The following MOV10 variants were observed in gnomAD, a reference collection of about 807,000 sequenced individuals.
MOV10 encodes the protein Mov10 RNA helicase, also known as RNA helicase MOV-10.
MOV10 carries 39 observed loss-of-function variants against 108.4 expected under a neutral mutation model. That is an observed-to-expected ratio of 0.36 (90% confidence interval 0.28 to 0.47). The LOEUF is 0.47. Ranked by LOEUF, MOV10 falls within the 20% of genes least tolerant of loss-of-function variation. MOV10 has a pLI of 1.00. For missense variants in MOV10, 952 were observed against 1,297.6 expected (o/e 0.73, Z 4.09); for synonymous variants, 490 against 523.1 (o/e 0.94, Z 0.86).
chr1:112,694,185 G>A lies in MOV10; in HGVS notation c.1295+13G>A. On this transcript the variant is annotated intron_variant, in intron 8 of 20. Transcript: ENST00000369645. This position sits in a 1 kb window ranked among gnomAD's most constrained non-coding sequence, Gnocchi z 4.1. ...GCTTTTCCATGAGGTGGGTGTTGGG[G>A]GAACCCTGAGCTGCTGGAAGGGTCT... 1 of 1,614,080 alleles carries A rather than the reference G, an allele frequency of 6.2e-7. No individual in the cohort carries two copies. Among genetic ancestry groups the A allele is most frequent in the Non-Finnish European group, 8.5e-7 (1 of 1,179,970 alleles).
In MOV10 at chr1:112,696,180, G is replaced by A; in HGVS notation, c.1812G>A (p.Glu604=). The change falls in exon 12 of 21, where the codon GAG becomes GAA. Residue 604 remains glutamate, a synonymous_variant. Transcript: ENST00000369645. ...PCCNWDAKKG[E]YVFPAKKKLQ... The stretch of plus-strand genomic sequence containing the variant: ...GCAACTGGGACGCAAAGAAGGGGGA[G>A]TATGTATTTCCCGCCAAGAAGAAGC... 1.9e-6 allele frequency: 3 copies of A among 1,613,954 alleles called. No homozygotes were observed. Among genetic ancestry groups the A allele is most frequent in the East Asian group, 2.2e-5 (1 of 44,874 alleles).
chr1:112,695,071 A>T (rs1271278593), intron 10 of MOV10, among the ~76,000 whole-genome samples, 175 bp downstream of exon 10: 1 of 151,972 alleles, frequency 6.6e-6, no homozygotes, highest in Non-Finnish European at 1.5e-5. Context: ...GCACTTGGGG[A>T]AGACTAGCCC....
intron 2 of MOV10, among the ~76,000 whole-genome samples, chr1:112,681,351 G>A (rs1672634683): frequency 6.6e-6 from 1 of 151,970 alleles, no homozygotes; most frequent in Non-Finnish European, 1.5e-5. Context: ...AAAATTAGCT[G>A]GGCGTGGTGG....
intron 5 of MOV10, among the ~76,000 whole-genome samples, chr1:112,691,268 G>A (rs1322337968): frequency 6.6e-6 from 1 of 152,118 alleles, no homozygotes; most frequent in Non-Finnish European, 1.5e-5. Flanking sequence ...CTGGGCAACA[G>A]AGTGGGACTC....
In MOV10 at chr1:112,675,469, G is replaced by C. The variant is rs1217138873; in HGVS notation, c.137+420G>C. 2.0e-5 allele frequency among the ~76,000 whole-genome samples: 3 copies of C among 152,242 alleles called. No individual in the cohort carries two copies. The highest frequency in any genetic ancestry group is 4.8e-5 in the African/African-American group (2 of 41,468). On this transcript the variant is annotated intron_variant, in intron 2 of 20. Coordinates refer to ENST00000369645, the MANE Select transcript of MOV10 (RefSeq NM_001321324.2). This position sits in a 1 kb window ranked among gnomAD's most constrained non-coding sequence, Gnocchi z 4.7. ...GCTGCCTGTTGGGGGCTGCGAGCCC[G>C]AGCGCGGGCTTTACAGGGACCTCTG...
chr1:112,679,765 G>C (rs1412699903), intron 2 of MOV10, among the ~76,000 whole-genome samples: 1 of 152,054 alleles, frequency 6.6e-6, no homozygotes, highest in East Asian at 1.9e-4. Flanking sequence ...AAAAAGATAG[G>C]AGTTTTTGTA....
chr1:112,690,053 A>G lies in MOV10; in HGVS notation c.791A>G (p.Asn264Ser). The change falls in exon 5 of 21, where the codon AAC becomes AGC. Residue 264 changes from asparagine (N) to serine (S), a missense_variant. This residue lies in a region of MOV10 where 374 missense variants were observed against 468.6 expected (regional missense o/e 0.80). Coordinates refer to ENST00000369645, the MANE Select transcript of MOV10 (RefSeq NM_001321324.2). The stretch of plus-strand genomic sequence containing the variant: ...TTCAAGCGGACCCGGATCACCGGAA[A>G]CCCTGTGGTGACCAATCGGATAGAG... ...TPFKRTRITG[N>S]PVVTNRIEEG... 1.2e-6 allele frequency: 2 copies of G among 1,613,998 alleles called. No homozygotes were observed. The highest frequency in any genetic ancestry group is 1.6e-4 in the Middle Eastern group (1 of 6,062).
chr1:112,679,401 G>A (rs1359442299), intron 2 of MOV10, among the ~76,000 whole-genome samples: 1 of 152,144 alleles, frequency 6.6e-6, no homozygotes, highest in Non-Finnish European at 1.5e-5. Flanking sequence ...GGGTTGTTTT[G>A]AGGATTGAAT....
chr1:112,698,424 C>G lies in MOV10; in HGVS notation c.2454C>G (p.Gly818=), dbSNP rs1013583685. The G allele has an allele frequency of 1.9e-6, 3 of 1,614,062 alleles. No homozygotes were observed. The highest frequency in any genetic ancestry group is 1.7e-5 in the Admixed American group (1 of 60,004). The change falls in exon 16 of 21, where the codon GGC becomes GGG. Residue 818 remains glycine, a synonymous_variant. Transcript: ENST00000369645. Reference sequence around the variant, plus strand: ...TCCTGGCCCCCTCCTCCAAGAAGGGCAAAGCTCGCCTGAGCCCTCGAAGTG... The same window carrying G: ...TCCTGGCCCCCTCCTCCAAGAAGGGGAAAGCTCGCCTGAGCCCTCGAAGTG... ...KLLLAPSSKK[G]KARLSPRSVG...
Position 112,675,109 on chromosome 1 carries a change from G to A in MOV10, c.137+60G>A. ...GGCCCAGCTTGCTGCCACGACCCCC[G>A]CGCGAGGGCCACCTTTCCCGCCCCG... On this transcript the variant is annotated intron_variant, in intron 2 of 20. Transcript: ENST00000369645. The surrounding 1 kb of genome is among the most constrained non-coding windows in gnomAD (Gnocchi z 4.7). The A allele has an allele frequency of 6.4e-7, 1 of 1,559,266 alleles. No homozygotes were observed. The highest frequency in any genetic ancestry group is 8.6e-7 in the Non-Finnish European group (1 of 1,156,482).
In MOV10 at chr1:112,674,924, G is replaced by T; in HGVS notation, c.12G>T (p.Lys4Asn). The T allele has an allele frequency of 6.3e-7, 1 of 1,584,462 alleles. No homozygotes were observed. MPS[K>N]FSCRQLREAG... is the part of the protein sequence containing the mutation. ...CAGCCGCCGCCGCGATGCCCAGTAAGTTCAGCTGCCGGCAGCTCCGGGAGG... is the reference window on the plus strand; with the variant it reads ...CAGCCGCCGCCGCGATGCCCAGTAATTTCAGCTGCCGGCAGCTCCGGGAGG... The change falls in exon 2 of 21, where the codon AAG becomes AAT. Residue 4 changes from lysine (K) to asparagine (N), a missense_variant. Transcript: ENST00000369645.
chr1:112,696,124 C>A, intron 11 of MOV10, 24 bp from the exon 12 acceptor site: 1 of 1,539,580 alleles, frequency 6.5e-7, no homozygotes, highest in Middle Eastern at 1.7e-4. Context: ...AAGCTGATTC[C>A]TCTGGTCCCT....
intron 2 of MOV10, among the ~76,000 whole-genome samples, chr1:112,687,293 T>TG (rs1673150601): frequency 6.6e-6 from 1 of 152,204 alleles, no homozygotes. Context: ...CTCATTTGCT[T>TG]GGGGTGAAGG....
Position 112,700,268 on chromosome 1 carries a change from C to G in MOV10, c.2848C>G (p.Pro950Ala), listed in dbSNP as rs1674526170. 14 of 1,614,170 alleles carry G rather than the reference C, an allele frequency of 8.7e-6. No individual in the cohort carries two copies. Among genetic ancestry groups the G allele is most frequent in the Non-Finnish European group, 1.1e-5 (13 of 1,180,020 alleles). ...CGGAGGGTATACCGGGTGTCCCTTC[C>G]CTGCCAAACTGGACCTGCAACAGGG... The part of the protein sequence containing the change: ...ENGGYTGCPF[P>A]AKLDLQQGQN... The change falls in exon 20 of 21, where the codon CCT (proline) becomes GCT (alanine). Residue 950 changes from proline to alanine, a missense_variant. By Grantham distance (27) the Pro-to-Ala change is conservative. Around this residue, in one of 5 missense-constraint regions of MOV10, gnomAD observed 65 missense variants for 124.3 expected, o/e 0.52. Transcript: ENST00000369645.
rs149488196 is a variant in MOV10, at chr1:112,681,204, A to G, written c.137+6155A>G. ...GTCATTGTTTTATTTAAAAAGAATC[A>G]TGTTTGGCCGGGCTCAGTGGCTCAA... On this transcript the variant is annotated intron_variant, in intron 2 of 20. Transcript: ENST00000369645. 5.9e-5 allele frequency among the ~76,000 whole-genome samples: 9 copies of G among 151,844 alleles called. No homozygotes were observed. The East Asian group carries it at 1.4e-3, about 23-fold the overall frequency.
rs371319741 is a variant in MOV10, at chr1:112,700,367, T to A, written c.2920+27T>A. On this transcript the variant is annotated intron_variant, in intron 20 of 20. Coordinates refer to ENST00000369645, the MANE Select transcript of MOV10 (RefSeq NM_001321324.2). ...TATGGCTGGGCCAGGGTGGGGACAGTGCCAGAGGAGGTGGTAAGGAAGACA... is the reference window on the plus strand; with the variant it reads ...TATGGCTGGGCCAGGGTGGGGACAGAGCCAGAGGAGGTGGTAAGGAAGACA... The A allele has an allele frequency of 6.8e-5, 109 of 1,614,124 alleles. No individual in the cohort carries two copies. The East Asian group carries it at 8.0e-4, about 12-fold the overall frequency.
chr1:112,700,093 T>C, intron 19 of MOV10, 111 bp downstream of exon 19: 2 of 1,586,098 alleles, frequency 1.3e-6, no homozygotes, highest in Non-Finnish European at 1.7e-6. Context: ...GATGTGTCCA[T>C]TTTCACAGCA....
chr1:112,692,070 C>T (rs748708094), intron 6 of MOV10, among the ~76,000 whole-genome samples: 3 of 152,170 alleles, frequency 2.0e-5, no homozygotes, highest in Non-Finnish European at 4.4e-5. Flanking sequence ...TGGCTCATGC[C>T]TGTAATCTCA....
At chr1:112,698,193 G>A in intron 15 of MOV10, 82 bp downstream of exon 15, 1 of 1,594,934 alleles carries the variant, frequency 6.3e-7, no homozygotes, top group Non-Finnish European at 8.6e-7. Context: ...TTGTCACCTT[G>A]GCCTAGGATC....
Sources: gnomAD v4.1 joint callset for allele counts (sites outside exome capture counted in the v4.1 genomes callset) on GRCh38, gnomAD v4.1.1 for gene constraint, gnomAD v4.1.1 regional missense constraint, Gnocchi (gnomAD v3.1) non-coding constraint, MANE v1.5 for transcripts, NCBI Gene and HGNC (gene_info 2026-07-23, HGNC 2026-07-21) for gene names.